The following STUM variants were observed in gnomAD, a reference collection of about 807,000 sequenced individuals.
The protein encoded by STUM is stum, mechanosensory transduction mediator homolog.
In STUM, 8 loss-of-function variants were observed where a neutral mutation model predicts 15.3. The ratio of observed to expected loss-of-function variants is 0.52; its 90% CI spans 0.31 to 0.94. The LOEUF (loss-of-function observed/expected upper bound fraction) is 0.94. Ranked by LOEUF, STUM falls within the 40% of genes least tolerant of loss-of-function variation. STUM has a pLI of 0.05. For synonymous variants in STUM, 78 were observed against 88.7 expected (o/e 0.88, Z 0.68); for missense variants, 142 against 204.9 (o/e 0.69, Z 1.87).
rs116312651 is a variant in STUM, at chr1:226,600,795, A to C, written c.391+121A>C. On this transcript the variant is annotated intron_variant, in intron 3 of 3. Transcript: ENST00000366788. This position sits in a 1 kb window ranked among gnomAD's most constrained non-coding sequence, Gnocchi z 5.2. Reference sequence around the variant, plus strand: ...TCTCCCAGTGGGTCAATGGGCTTTTATGTTTAGCTTGAACTTTTGGTTTGG... The same window carrying C: ...TCTCCCAGTGGGTCAATGGGCTTTTCTGTTTAGCTTGAACTTTTGGTTTGG... 13,316 of 1,096,336 alleles carry C rather than the reference A, an allele frequency of 0.012. 555 individuals carry two copies. Among genetic ancestry groups the C allele is most frequent in the South Asian group, 0.1 (7,770 of 76,776 alleles). 67.9% of individuals were successfully genotyped at this position (1,096,336 alleles called of 1,614,324 possible). A position where few individuals can be genotyped will look rare whatever the true frequency, so the allele number is the denominator to read the frequency against.
chr1:226,602,313 G>T lies in STUM; in HGVS notation c.*273G>T. On this transcript the variant is annotated 3_prime_UTR_variant, in exon 4 of 4. Coordinates refer to ENST00000366788, the MANE Select transcript of STUM (RefSeq NM_001003665.4). Reference sequence around the variant, plus strand: ...TGGAGATGAGAACGCCCACAGAGAGGCTGGGATGCTCCGGCAGGCTCCAAC... The same window carrying T: ...TGGAGATGAGAACGCCCACAGAGAGTCTGGGATGCTCCGGCAGGCTCCAAC... The T allele has an allele frequency of 2.1e-6, 1 of 485,368 alleles. No homozygotes were observed. Among genetic ancestry groups the T allele is most frequent in the South Asian group, 2.6e-5 (1 of 38,958 alleles). 30.1% of individuals were successfully genotyped at this position (485,368 alleles called of 1,614,324 possible). A position where few individuals can be genotyped will look rare whatever the true frequency, so the allele number is the denominator to read the frequency against.
At position 226,583,317 on chromosome 1, in the gene STUM, A is replaced by G. The variant is rs772230388; in HGVS notation, c.203-13485A>G. Among the ~76,000 whole-genome samples the G allele has an allele frequency of 3.3e-5, 5 of 152,360 alleles. No homozygotes were observed. In the South Asian group the frequency reaches 1.0e-3, roughly 32 times the overall value. On this transcript the variant is annotated intron_variant, in intron 1 of 3. Transcript: ENST00000366788. Reference sequence around the variant, plus strand: ...ATCTGCTGCCGTTGGTTAATGTACCATTCATTCTAGGCCTGTTCTTGTCTG... The same window carrying G: ...ATCTGCTGCCGTTGGTTAATGTACCGTTCATTCTAGGCCTGTTCTTGTCTG...
Position 226,605,889 on chromosome 1 carries a change from G to A in STUM, c.*3849G>A, listed in dbSNP as rs1668348893. On this transcript the variant is annotated 3_prime_UTR_variant, in exon 4 of 4. Transcript: ENST00000366788. This position sits in a 1 kb window ranked among gnomAD's most constrained non-coding sequence, Gnocchi z 4.0. ...GTATTAGGAGCTTCCCCATCCTAAT[G>A]TGCAGGACCAAGTTGCCCGCTCTGC... 6.6e-6 allele frequency: 1 copy of A among 152,298 alleles called. No individual in the cohort carries two copies. The highest frequency in any genetic ancestry group is 2.4e-5 in the African/African-American group (1 of 41,458). 9.4% of individuals were successfully genotyped at this position (152,298 alleles called of 1,614,324 possible). A position where few individuals can be genotyped will look rare whatever the true frequency, so the allele number is the denominator to read the frequency against.
At chr1:226,564,874 G>T (rs146040164) in intron 1 of STUM, among the ~76,000 whole-genome samples, 44 of 152,316 alleles carry the variant, frequency 2.9e-4, no homozygotes, top group African/African-American at 1.0e-3. Flanking sequence ...TTCCGGTTCT[G>T]AATGACTAAG....
At chr1:226,550,188 ACTTTGGCCTTT>A (rs1169525708) in intron 1 of STUM, among the ~76,000 whole-genome samples, 3 of 151,976 alleles carry the variant, frequency 2.0e-5, no homozygotes, top group African/African-American at 4.8e-5. Context: ...TTTCAGTTTG[ACTTTGGCCTTT>A]CTCACGGTCT....
chr1:226,577,870 G>A (rs950144487), intron 1 of STUM, among the ~76,000 whole-genome samples: 22 of 152,172 alleles, frequency 1.4e-4, no homozygotes, highest in African/African-American at 5.3e-4. Flanking sequence ...ACAGTAGGGC[G>A]GGGGAGAGTG....
At chr1:226,577,690 G>A (rs910056516) in intron 1 of STUM, among the ~76,000 whole-genome samples, 1 of 152,220 alleles carries the variant, frequency 6.6e-6, no homozygotes, top group Non-Finnish European at 1.5e-5. Context: ...GAAAGGGAGG[G>A]GGGGCCAGCA....
chr1:226,593,331 C>T (rs1304786503), intron 1 of STUM, among the ~76,000 whole-genome samples: 1 of 152,150 alleles, frequency 6.6e-6, no homozygotes, highest in Non-Finnish European at 1.5e-5. Flanking sequence ...GCATTCAAAG[C>T]CTTCCACAAA....
At position 226,607,404 on chromosome 1, in the gene STUM, C is replaced by T. The variant is rs1657287975; in HGVS notation, c.*5364C>T. ...AGTTCCGGCCTGAGTGCTGTTATGA[C>T]TGCCGGCGTCTCTCCGACTGCCTCT... On this transcript the variant is annotated 3_prime_UTR_variant, in exon 4 of 4. Coordinates refer to ENST00000366788, the MANE Select transcript of STUM (RefSeq NM_001003665.4). 6.6e-6 allele frequency: 1 copy of T among 152,204 alleles called. No homozygotes were observed. The highest frequency in any genetic ancestry group is 2.1e-4 in the South Asian group (1 of 4,832). The allele number at this position is 152,204 out of a possible 1,614,324, so 9.4% of individuals were successfully genotyped here.
rs1668363618 is a variant in STUM at position 226,606,623 on chromosome 1, G to A, written c.*4583G>A. On this transcript the variant is annotated 3_prime_UTR_variant, in exon 4 of 4. Transcript: ENST00000366788. ...CTTTTATCAGAGAGATTGGAGGTGG[G>A]AGAGCACTTTTAAAGCACACCCCAC... 6.6e-6 allele frequency: 1 copy of A among 152,204 alleles called. No individual in the cohort carries two copies. Among genetic ancestry groups the A allele is most frequent in the Non-Finnish European group, 1.5e-5 (1 of 68,066 alleles). 9.4% of individuals were successfully genotyped at this position (152,204 alleles called of 1,614,324 possible). A position where few individuals can be genotyped will look rare whatever the true frequency, so the allele number is the denominator to read the frequency against.
chr1:226,554,507 G>A (rs1169746934), intron 1 of STUM, among the ~76,000 whole-genome samples: 2 of 152,234 alleles, frequency 1.3e-5, no homozygotes, highest in African/African-American at 2.4e-5. Flanking sequence ...TGGGATGAGA[G>A]TGAACTGCTG....
chr1:226,562,133 A>G (rs976087310), intron 1 of STUM, among the ~76,000 whole-genome samples: 1 of 152,144 alleles, frequency 6.6e-6, no homozygotes, highest in African/African-American at 2.4e-5. Context: ...GAATATACTA[A>G]AAGCCACTGA....
intron 1 of STUM, among the ~76,000 whole-genome samples, chr1:226,585,440 ACC>A (rs938204908): frequency 3.3e-5 from 5 of 151,972 alleles, no homozygotes; most frequent in African/African-American, 1.2e-4. Flanking sequence ...CCTCACGTTT[ACC>A]CTTGTCTACT....
rs1395358852 is a variant in STUM, at chr1:226,607,731, AG to A, written c.*5692del. 1 of 152,244 alleles carries A rather than the reference AG, an allele frequency of 6.6e-6. No individual in the cohort carries two copies. Among genetic ancestry groups the A allele is most frequent in the East Asian group, 1.9e-4 (1 of 5,192 alleles). 9.4% of individuals were successfully genotyped at this position (152,244 alleles called of 1,614,324 possible). ...GTGCAAGTCATCTGGATTTGCATTT[AG>A]CTAGGGAAACTCGGCCCTCAAACCC... On this transcript the variant is annotated 3_prime_UTR_variant, in exon 4 of 4. Transcript: ENST00000366788.
intron 1 of STUM, among the ~76,000 whole-genome samples, chr1:226,595,309 C>T (rs1163206613): frequency 6.6e-6 from 1 of 152,164 alleles, no homozygotes; most frequent in Non-Finnish European, 1.5e-5. Flanking sequence ...GCTAGGCCCC[C>T]GACCAATTGG....
chr1:226,587,874 T>C (rs1668021924), intron 1 of STUM, among the ~76,000 whole-genome samples: 1 of 152,174 alleles, frequency 6.6e-6, no homozygotes, highest in South Asian at 2.1e-4. Context: ...GAACTGCCGA[T>C]AGCAGGAAAG....
At chr1:226,561,915 A>G (rs969454828) in intron 1 of STUM, among the ~76,000 whole-genome samples, 4 of 151,406 alleles carry the variant, frequency 2.6e-5, no homozygotes, top group Admixed American at 2.6e-4. Flanking sequence ...AGGTGAAAGA[A>G]CTCAGTCACA....
rs549610332 is a variant in STUM at position 226,552,640 on chromosome 1, G to A, written c.202+3534G>A. On this transcript the variant is annotated intron_variant, in intron 1 of 3. Transcript: ENST00000366788. The surrounding 1 kb of genome is among the most constrained non-coding windows in gnomAD (Gnocchi z 4.7). ...CCTTTAACCACTCCATTGGACTCAGGACATCAGATAGGGACAATTTATCCC... is the reference window on the plus strand; with the variant it reads ...CCTTTAACCACTCCATTGGACTCAGAACATCAGATAGGGACAATTTATCCC... 7.2e-5 allele frequency among the ~76,000 whole-genome samples: 11 copies of A among 152,288 alleles called. No individual in the cohort carries two copies. Among genetic ancestry groups the A allele is most frequent in the African/African-American group, 2.2e-4 (9 of 41,544 alleles).
chr1:226,568,956 G>GCAAGGGGACCTTGCTGGGCCCACACA (rs1667664250), intron 1 of STUM, among the ~76,000 whole-genome samples: 1 of 150,662 alleles, frequency 6.6e-6, no homozygotes, highest in Non-Finnish European at 1.5e-5. Context: ...AGGGTCCCTA[G>GCAAGGGGACCTTGCTGGGCCCACACA]CAAGGGGACC....
Sources: gnomAD v4.1 joint callset for allele counts (sites outside exome capture counted in the v4.1 genomes callset) on GRCh38, gnomAD v4.1.1 for gene constraint, Gnocchi (gnomAD v3.1) non-coding constraint, MANE v1.5 for transcripts, NCBI Gene and HGNC (gene_info 2026-07-23, HGNC 2026-07-21) for gene names.